The following ETV6 variants were observed in gnomAD, a reference collection of about 807,000 sequenced individuals.
ETV6 encodes ETS variant transcription factor 6.
A neutral mutation model predicts 51.1 loss-of-function variants in ETV6; 16 were observed. The ratio of observed to expected loss-of-function variants is 0.31; its 90% CI spans 0.21 to 0.48. The LOEUF (loss-of-function observed/expected upper bound fraction) is 0.48, where lower values mean the gene tolerates loss of function less well. Among genes scored for constraint, ETV6 ranks in the 20% least tolerant of loss-of-function variants. ETV6 has a pLI of 0.99. For missense variants in ETV6, 458 were observed against 594.8 expected (o/e 0.77, Z 2.39); for synonymous variants, 240 against 224.1 (o/e 1.07, Z -0.64).
chr12:11,786,166 A>G (rs896072929), intron 2 of ETV6, among the ~76,000 whole-genome samples: 22 of 152,240 alleles, frequency 1.4e-4, no homozygotes, highest in African/African-American at 5.3e-4. Flanking sequence ...GGCCTTATGC[A>G]TTGACCATCA....
chr12:11,876,504 T>G (rs1946986559), intron 5 of ETV6, among the ~76,000 whole-genome samples: 1 of 152,248 alleles, frequency 6.6e-6, no homozygotes, highest in South Asian at 2.1e-4. Flanking sequence ...TTAAAGTACT[T>G]TAATTCCGTT....
intron 2 of ETV6, among the ~76,000 whole-genome samples, chr12:11,766,803 C>T (rs551787984): frequency 1.3e-5 from 2 of 152,210 alleles, no homozygotes; most frequent in Non-Finnish European, 2.9e-5. Context: ...GCCATTTCCT[C>T]AGGCCGGCCT....
chr12:11,781,332 C>T (rs948771876), intron 2 of ETV6, among the ~76,000 whole-genome samples: 1 of 152,168 alleles, frequency 6.6e-6, no homozygotes, highest in South Asian at 2.1e-4. Context: ...TTCCCTGCCC[C>T]CTTTTCGTCC....
Position 11,891,952 on chromosome 12 carries a change from A to G in ETV6, c.*906A>G, listed in dbSNP as rs1197542484. 8.2e-6 allele frequency: 2 copies of G among 242,640 alleles called. No homozygotes were observed. Among genetic ancestry groups the G allele is most frequent in the African/African-American group, 2.2e-5 (1 of 45,578 alleles). 15.0% of individuals were successfully genotyped at this position (242,640 alleles called of 1,614,324 possible). A position where few individuals can be genotyped will look rare whatever the true frequency, so the allele number is the denominator to read the frequency against. ...AGATGGCTGTGAGAACCATGTGTCT[A>G]AGGCGTAAGATAAGGATGGAAGGCT... On this transcript the variant is annotated 3_prime_UTR_variant, in exon 8 of 8. Transcript: ENST00000396373.
chr12:11,745,137 C>T (rs565512180), intron 1 of ETV6, among the ~76,000 whole-genome samples: 11 of 152,154 alleles, frequency 7.2e-5, no homozygotes, highest in Non-Finnish European at 1.6e-4. Context: ...AAGAAGGGGA[C>T]TGTGGTGTCC....
At chr12:11,794,134 A>G (rs941321390) in intron 2 of ETV6, among the ~76,000 whole-genome samples, 1 of 152,300 alleles carries the variant, frequency 6.6e-6, no homozygotes, top group African/African-American at 2.4e-5. Context: ...CACGGAAGTC[A>G]GAGAAGGAGC....
In ETV6 at chr12:11,839,154, T is replaced by C; in HGVS notation, c.178T>C (p.Tyr60His). The C allele has an allele frequency of 2.5e-6, 4 of 1,613,984 alleles. No individual in the cohort carries two copies. In the South Asian group the frequency reaches 4.4e-5, roughly 18 times the overall value. The change falls in exon 3 of 8, where the codon TAC (tyrosine) becomes CAC (histidine). Residue 60 changes from tyrosine to histidine, a missense_variant. Coordinates refer to ENST00000396373, the MANE Select transcript of ETV6 (RefSeq NM_001987.5). The stretch of plus-strand genomic sequence containing the variant: ...CTCTCCAACAGGCTTGCAGCCAATT[T>C]ACTGGAGCAGGGATGACGTAGCCCA... ...LPAHLRLQPI[Y>H]WSRDDVAQWL...
chr12:11,778,265 C>T (rs1004550448), intron 2 of ETV6, among the ~76,000 whole-genome samples: 1 of 152,210 alleles, frequency 6.6e-6, no homozygotes. Flanking sequence ...GCAGGTCCTC[C>T]GTGAATGACA....
intron 2 of ETV6, among the ~76,000 whole-genome samples, chr12:11,825,886 G>A (rs1031318924): frequency 6.8e-6 from 1 of 147,906 alleles, no homozygotes; most frequent in Non-Finnish European, 1.5e-5. Context: ...CACCCAGGCT[G>A]GAGTGCAGTG....
chr12:11,778,351 C>G (rs1310167828), intron 2 of ETV6, among the ~76,000 whole-genome samples: 1 of 152,228 alleles, frequency 6.6e-6, no homozygotes, highest in Non-Finnish European at 1.5e-5. Context: ...ATAGCCCTGT[C>G]TGTTGTGAGC....
At chr12:11,773,146 A>G (rs1945266975) in intron 2 of ETV6, among the ~76,000 whole-genome samples, 1 of 149,980 alleles carries the variant, frequency 6.7e-6, no homozygotes, top group African/African-American at 2.5e-5. Flanking sequence ...GTGAGCCGAG[A>G]TTGCACCACT....
chr12:11,823,292 G>A (rs1232741769), intron 2 of ETV6, among the ~76,000 whole-genome samples: 1 of 152,090 alleles, frequency 6.6e-6, no homozygotes, highest in Non-Finnish European at 1.5e-5. Flanking sequence ...TCTCCACCAC[G>A]ATCTAGGATT....
intron 5 of ETV6, among the ~76,000 whole-genome samples, chr12:11,872,879 A>G (rs1279662705): frequency 6.6e-6 from 1 of 152,082 alleles, no homozygotes; most frequent in Non-Finnish European, 1.5e-5. Flanking sequence ...GCTTGGTGGA[A>G]TACTGCACCC....
chr12:11,835,866 G>A (rs1946308266), intron 2 of ETV6, among the ~76,000 whole-genome samples: 1 of 152,196 alleles, frequency 6.6e-6, no homozygotes, highest in Non-Finnish European at 1.5e-5. Flanking sequence ...GAACCAGATT[G>A]CCTGGGTTCA....
intron 2 of ETV6, among the ~76,000 whole-genome samples, chr12:11,804,538 G>A (rs1945800766): frequency 6.6e-6 from 1 of 152,146 alleles, no homozygotes; most frequent in Admixed American, 6.5e-5. Flanking sequence ...CTGCCCTTCT[G>A]CCTATGAAGC....
At chr12:11,708,356 A>C (rs1367299213) in intron 1 of ETV6, among the ~76,000 whole-genome samples, 1 of 152,174 alleles carries the variant, frequency 6.6e-6, no homozygotes, top group Non-Finnish European at 1.5e-5. Context: ...TTGTCTTCTA[A>C]GGTATTGAAC....
intron 2 of ETV6, among the ~76,000 whole-genome samples, chr12:11,801,339 C>T (rs1296978125): frequency 6.6e-6 from 1 of 152,182 alleles, no homozygotes; most frequent in Non-Finnish European, 1.5e-5. Flanking sequence ...GGCCTATTTT[C>T]TACATTTTGG....
chr12:11,720,030 C>T (rs1341698950), intron 1 of ETV6, among the ~76,000 whole-genome samples: 2 of 152,170 alleles, frequency 1.3e-5, no homozygotes, highest in African/African-American at 2.4e-5. Context: ...CCTGGTCTCC[C>T]ACGAATCAGA....
intron 1 of ETV6, among the ~76,000 whole-genome samples, chr12:11,694,449 A>G (rs532522831): frequency 2.1e-4 from 32 of 152,354 alleles, no homozygotes; most frequent in Admixed American, 1.1e-3. Flanking sequence ...AGTCAGTCCA[A>G]TGGCCATGTT....
Sources: gnomAD v4.1 joint callset for allele counts (sites outside exome capture counted in the v4.1 genomes callset) on GRCh38, gnomAD v4.1.1 for gene constraint, MANE v1.5 for transcripts, NCBI Gene and HGNC (gene_info 2026-07-23, HGNC 2026-07-21) for gene names.